The following SORCS3 variants were observed in gnomAD, a reference collection of about 807,000 sequenced individuals.
SORCS3 encodes sortilin related VPS10 domain containing receptor 3.
Under a neutral mutation model 146.3 loss-of-function variants are expected in SORCS3, and 57 were observed. The ratio of observed to expected loss-of-function variants is 0.39; its 90% CI spans 0.31 to 0.49. The LOEUF (loss-of-function observed/expected upper bound fraction) is 0.49, where lower values mean the gene tolerates loss of function less well. SORCS3 is among the 20% of genes least tolerant of loss of function. The probability of loss-of-function intolerance (pLI) is 0.92; values close to 1 mark genes in which losing one functional copy is unlikely to be tolerated. For synonymous variants in SORCS3, 653 were observed against 618.5 expected, an observed-to-expected ratio of 1.06 and a Z score of -0.83; for missense variants, 1,341 against 1,575.5, an observed-to-expected ratio of 0.85 and a Z score of 2.52.
chr10:104,802,192 G>T (rs2017631473), intron 1 of SORCS3, among the ~76,000 whole-genome samples: 1 of 152,136 alleles, frequency 6.6e-6, no homozygotes, highest in Non-Finnish European at 1.5e-5. Context: ...AAAGATTCTG[G>T]CTCTCTGAAG....
chr10:104,872,206 G>C (rs2018525750), intron 2 of SORCS3, among the ~76,000 whole-genome samples: 1 of 152,170 alleles, frequency 6.6e-6, no homozygotes, highest in Non-Finnish European at 1.5e-5. Context: ...AATTGGGAAA[G>C]TACTTCTCAA....
chr10:105,081,762 G>A (rs552801112), intron 5 of SORCS3, among the ~76,000 whole-genome samples: 14 of 152,066 alleles, frequency 9.2e-5, no homozygotes, highest in Admixed American at 5.2e-4. Flanking sequence ...TCCTTTCTTG[G>A]TCTTTGGTCA....
intron 4 of SORCS3, among the ~76,000 whole-genome samples, chr10:105,023,624 T>C (rs2055210490): frequency 6.6e-6 from 1 of 152,186 alleles, no homozygotes; most frequent in Non-Finnish European, 1.5e-5. Context: ...GGCAATTCTG[T>C]ATTTTCAGCA....
At chr10:104,777,232 A>G (rs938663808) in intron 1 of SORCS3, among the ~76,000 whole-genome samples, 1 of 152,212 alleles carries the variant, frequency 6.6e-6, no homozygotes, top group Non-Finnish European at 1.5e-5. Context: ...TTTGCAAATA[A>G]GGAAACCGAT....
At chr10:105,053,006 G>C (rs79497009) in intron 5 of SORCS3, among the ~76,000 whole-genome samples, 4 of 152,058 alleles carry the variant, frequency 2.6e-5, no homozygotes, top group African/African-American at 9.7e-5. Flanking sequence ...GGAAGTGTGC[G>C]ATCAGGGTGC....
intron 1 of SORCS3, among the ~76,000 whole-genome samples, chr10:104,793,810 G>A (rs1415238079): frequency 2.0e-5 from 3 of 152,164 alleles, no homozygotes. Flanking sequence ...GAGGCAAATG[G>A]ATTTATAGGT....
intron 12 of SORCS3, among the ~76,000 whole-genome samples, chr10:105,166,676 G>A (rs2056316166): frequency 6.6e-6 from 1 of 152,132 alleles, no homozygotes. Flanking sequence ...GTCCCTGGAA[G>A]TACTGTGTTT....
chr10:104,983,791 C>T (rs2054945636), intron 4 of SORCS3, among the ~76,000 whole-genome samples: 1 of 151,984 alleles, frequency 6.6e-6, no homozygotes, highest in Non-Finnish European at 1.5e-5. Flanking sequence ...AAGCTCTTGT[C>T]TGCCCGACCA....
chr10:104,707,869 A>G (rs1273145912), intron 1 of SORCS3, among the ~76,000 whole-genome samples: 1 of 152,222 alleles, frequency 6.6e-6, no homozygotes, highest in East Asian at 1.9e-4. Flanking sequence ...GGATTTGCCC[A>G]TGACAGTCTT....
chr10:105,147,115 A>C (rs910020869), intron 8 of SORCS3, among the ~76,000 whole-genome samples: 4 of 152,162 alleles, frequency 2.6e-5, no homozygotes, highest in South Asian at 2.1e-4. Context: ...TGATTGAAAC[A>C]GGATTGCAGG....
At chr10:104,937,158 A>G (rs1589556752) in intron 3 of SORCS3, among the ~76,000 whole-genome samples, 1 of 152,194 alleles carries the variant, frequency 6.6e-6, no homozygotes, top group African/African-American at 2.4e-5. Flanking sequence ...TCATGCTCCT[A>G]TGAGAACCTA....
chr10:104,696,403 T>TAATATAC (rs1201420633), intron 1 of SORCS3, among the ~76,000 whole-genome samples: 1 of 16,392 alleles, frequency 6.1e-5, no homozygotes, highest in Non-Finnish European at 1.5e-4. Context: ...ATATAATATA[T>TAATATAC]AATATAGAAT....
intron 2 of SORCS3, among the ~76,000 whole-genome samples, chr10:104,875,649 T>G (rs1433113466): frequency 6.6e-6 from 1 of 152,180 alleles, no homozygotes; most frequent in Non-Finnish European, 1.5e-5. Flanking sequence ...GTCTATAAGT[T>G]GTGAGTGAGA....
At chr10:104,766,979 G>A (rs963158119) in intron 1 of SORCS3, among the ~76,000 whole-genome samples, 1 of 152,150 alleles carries the variant, frequency 6.6e-6, no homozygotes, top group Non-Finnish European at 1.5e-5. Context: ...TATAGACAAG[G>A]TTCATTTATC....
intron 1 of SORCS3, among the ~76,000 whole-genome samples, chr10:104,684,780 T>G (rs901770464): frequency 6.1e-3 from 19 of 3,102 alleles, no homozygotes; most frequent in Non-Finnish European, 0.015. Context: ...GTCCTCAGTG[T>G]TTTTTTTTTT....
chr10:104,698,853 A>G (rs1463663480), intron 1 of SORCS3, among the ~76,000 whole-genome samples: 3 of 152,128 alleles, frequency 2.0e-5, no homozygotes, highest in Non-Finnish European at 4.4e-5. Context: ...ATTTTGGGGA[A>G]AGTAGGGTCA....
intron 1 of SORCS3, among the ~76,000 whole-genome samples, chr10:104,676,784 T>C (rs2015917346): frequency 6.6e-6 from 1 of 152,196 alleles, no homozygotes; most frequent in South Asian, 2.1e-4. Flanking sequence ...TCTCTTTTTT[T>C]TTCTGTTTCT....
At chr10:104,995,922 A>C (rs1416972292) in intron 4 of SORCS3, among the ~76,000 whole-genome samples, 1 of 152,220 alleles carries the variant, frequency 6.6e-6, no homozygotes, top group East Asian at 1.9e-4. Flanking sequence ...CTTTGAGTTA[A>C]ATTTTTTATA....
intron 3 of SORCS3, among the ~76,000 whole-genome samples, chr10:104,949,557 G>A (rs2019407344): frequency 6.6e-6 from 1 of 152,162 alleles, no homozygotes; most frequent in South Asian, 2.1e-4. Context: ...ACCCCTTGTA[G>A]CATTTCATAA....
Sources: gnomAD v4.1 joint callset for allele counts (sites outside exome capture counted in the v4.1 genomes callset) on GRCh38, gnomAD v4.1.1 for gene constraint, MANE v1.5 for transcripts, NCBI Gene and HGNC (gene_info 2026-07-23, HGNC 2026-07-21) for gene names.